PCOLCE2: variants seen among roughly 807,000 people sequenced by gnomAD.
PCOLCE2 encodes the protein procollagen C-endopeptidase enhancer 2, also known as procollagen C-proteinase enhancer 2.
Under a neutral mutation model 47.0 loss-of-function variants are expected in PCOLCE2, and 42 were observed. The observed-to-expected ratio is 0.89, with a 90% confidence interval of 0.70 to 1.16. The LOEUF is 1.16. PCOLCE2 is among the 50% of genes most tolerant of loss of function. PCOLCE2 has a pLI of 0.00. For missense variants in PCOLCE2, 500 were observed against 526.1 expected (o/e 0.95, Z 0.49); for synonymous variants, 169 against 191.7 (o/e 0.88, Z 0.98).
rs148677333 is a variant in PCOLCE2, at chr3:142,823,601, C to T, written c.880G>A (p.Val294Met). 8.1e-6 allele frequency: 13 copies of T among 1,605,276 alleles called. No individual in the cohort carries two copies. The highest frequency in any genetic ancestry group is 6.7e-5 in the East Asian group (3 of 44,784). The change falls in exon 7 of 9, where the codon GTG (valine) becomes ATG (methionine). Residue 294 changes from valine (V) to methionine (M), a missense_variant. Val to Met is a conservative substitution (Grantham distance 21, BLOSUM62 1). Transcript: ENST00000295992. ...FPVTTGLKPT[V>M]ALCQQKCRRT... is the part of the protein sequence containing the mutation. Reference sequence around the variant, plus strand: ...CTACACTTTTGTTGACACAAGGCCACGGTGGGTTTTAAACCTTAATTCAAA... The same window carrying T: ...CTACACTTTTGTTGACACAAGGCCATGGTGGGTTTTAAACCTTAATTCAAA...
chr3:142,861,967 G>A (rs1337247840), intron 2 of PCOLCE2, among the ~76,000 whole-genome samples: 1 of 152,220 alleles, frequency 6.6e-6, no homozygotes, highest in Non-Finnish European at 1.5e-5. Context: ...GAGGAGCAGG[G>A]AAAGAGGTGG....
At chr3:142,856,466 T>C (rs1032736381) in intron 2 of PCOLCE2, among the ~76,000 whole-genome samples, 1 of 152,220 alleles carries the variant, frequency 6.6e-6, no homozygotes, top group Non-Finnish European at 1.5e-5. Flanking sequence ...GTTATGCCTC[T>C]TGTGCAAATG....
intron 8 of PCOLCE2, among the ~76,000 whole-genome samples, chr3:142,820,067 C>T (rs779248172): frequency 2.0e-5 from 3 of 151,962 alleles, no homozygotes; most frequent in Non-Finnish European, 4.4e-5. Context: ...TGTATATGCC[C>T]ATGCTTTATG....
At chr3:142,838,970 ATTC>A in intron 4 of PCOLCE2, 64 bp from the exon 5 acceptor site, 1 of 1,284,840 alleles carries the variant, frequency 7.8e-7, no homozygotes. Flanking sequence ...CTCAAATGGA[ATTC>A]TTCCTCTCCC....
chr3:142,880,406 AC>A (rs145404822), intron 2 of PCOLCE2, among the ~76,000 whole-genome samples: 6,643 of 152,228 alleles, frequency 0.044, 181 homozygotes, highest in South Asian at 0.075. Flanking sequence ...TAATTTTAGA[AC>A]CCCTTGCCAT....
chr3:142,887,404 G>A, intron 2 of PCOLCE2: 2 of 306,422 alleles, frequency 6.5e-6, no homozygotes, highest in Non-Finnish European at 1.2e-5. Context: ...ACTCAACTGA[G>A]TCACACTGGG....
chr3:142,868,809 T>C (rs989419103), intron 2 of PCOLCE2, among the ~76,000 whole-genome samples: 1 of 152,218 alleles, frequency 6.6e-6, no homozygotes, highest in Non-Finnish European at 1.5e-5. Context: ...GTGCTCACCA[T>C]TGCTCCATCT....
chr3:142,882,589 A>ATTATTTTTTTTTTTTTTTTTTT (rs1188049251), intron 2 of PCOLCE2, among the ~76,000 whole-genome samples: 2 of 151,642 alleles, frequency 1.3e-5, no homozygotes, highest in African/African-American at 4.9e-5. Context: ...TTATTATTAT[A>ATTATTTTTTTTTTTTTTTTTTT]CTTTAGAGAA....
At chr3:142,887,564 G>T in intron 2 of PCOLCE2, 105 bp downstream of exon 2, 1 of 660,136 alleles carries the variant, frequency 1.5e-6, no homozygotes, top group South Asian at 1.8e-5. Flanking sequence ...ACTATTTCAG[G>T]CATTTGCCTC....
At chr3:142,877,409 T>C (rs1471482584) in intron 2 of PCOLCE2, among the ~76,000 whole-genome samples, 4 of 152,204 alleles carry the variant, frequency 2.6e-5, no homozygotes, top group East Asian at 3.9e-4. Context: ...TTGAAACAAG[T>C]TGGCTTGTAG....
chr3:142,834,035 C>T (rs1216042390), intron 5 of PCOLCE2, among the ~76,000 whole-genome samples: 1 of 151,866 alleles, frequency 6.6e-6, no homozygotes, highest in Admixed American at 6.6e-5. Context: ...TAGTCTAGGC[C>T]CCATTTTTCA....
At chr3:142,819,440 G>A (rs957572008) in intron 8 of PCOLCE2, among the ~76,000 whole-genome samples, 3 of 152,182 alleles carry the variant, frequency 2.0e-5, no homozygotes, top group East Asian at 3.9e-4. Context: ...GTCTGGGCAG[G>A]TAATGCTGCC....
chr3:142,841,081 A>AG (rs1280777948), intron 4 of PCOLCE2, among the ~76,000 whole-genome samples: 1 of 151,958 alleles, frequency 6.6e-6, no homozygotes, highest in African/African-American at 2.4e-5. Flanking sequence ...TCTCAAAAAA[A>AG]AAAAAAAAAG....
intron 1 of PCOLCE2, 44 bp downstream of exon 1, chr3:142,888,770 G>T (rs1385399489): frequency 8.4e-7 from 1 of 1,191,428 alleles, no homozygotes; most frequent in Non-Finnish European, 1.1e-6. Context: ...AGGGGTGGAG[G>T]AAGGGAAAGG....
At chr3:142,823,700 A>T (rs1477927608) in intron 6 of PCOLCE2, 85 bp from the exon 7 acceptor site, 5 of 776,214 alleles carry the variant, frequency 6.4e-6, no homozygotes, top group Non-Finnish European at 1.1e-5. Flanking sequence ...ATTTAAAATT[A>T]TCATTTATTT....
intron 2 of PCOLCE2, among the ~76,000 whole-genome samples, chr3:142,855,241 G>A (rs1275558634): frequency 6.6e-6 from 1 of 152,150 alleles, no homozygotes; most frequent in African/African-American, 2.4e-5. Context: ...AAGCTACAGA[G>A]AACAGTTGGT....
At chr3:142,872,507 G>A (rs1382135956) in intron 2 of PCOLCE2, among the ~76,000 whole-genome samples, 1 of 152,142 alleles carries the variant, frequency 6.6e-6, no homozygotes, top group African/African-American at 2.4e-5. Flanking sequence ...TCAAGGGCAA[G>A]AGTCTCTGTT....
chr3:142,834,594 A>G lies in PCOLCE2; in HGVS notation c.710+4176T>C, dbSNP rs141358270. On this transcript the variant is annotated intron_variant, in intron 5 of 8. Coordinates refer to ENST00000295992, the MANE Select transcript of PCOLCE2 (RefSeq NM_013363.4). ...TAAAATGATTTTTCCATTAAATAAC[A>G]TAAGTCCACAAGTCACACTTTAATC... Among the ~76,000 whole-genome samples, 385 of 152,348 alleles carry G rather than the reference A, an allele frequency of 2.5e-3. 1 individual carries two copies. Among genetic ancestry groups the G allele is most frequent in the African/African-American group, 8.9e-3 (372 of 41,584 alleles).
At chr3:142,827,588 G>A (rs768288518) in intron 6 of PCOLCE2, 20 of 1,473,298 alleles carry the variant, frequency 1.4e-5, no homozygotes, top group Non-Finnish European at 1.8e-5. Context: ...GTTGAGCTGG[G>A]CCTTCTTGCC....
Sources: gnomAD v4.1 joint callset for allele counts (sites outside exome capture counted in the v4.1 genomes callset) on GRCh38, gnomAD v4.1.1 for gene constraint, MANE v1.5 for transcripts, NCBI Gene and HGNC (gene_info 2026-07-23, HGNC 2026-07-21) for gene names.